SLC25A40: variants seen among roughly 807,000 people sequenced by gnomAD.
The protein encoded by SLC25A40 is solute carrier family 25 member 40, also known as mitochondrial glutathione transporter SLC25A40.
Under a neutral mutation model 46.5 loss-of-function variants are expected in SLC25A40, and 41 were observed. The ratio of observed to expected loss-of-function variants is 0.88; its 90% CI spans 0.69 to 1.14. SLC25A40 has a LOEUF of 1.14. Among genes scored for constraint, SLC25A40 ranks in the 50% most tolerant of loss-of-function variants. The probability of loss-of-function intolerance (pLI) is 0.00; values close to 1 mark genes in which losing one functional copy is unlikely to be tolerated. For missense variants in SLC25A40, 386 were observed against 393.6 expected (o/e 0.98, Z 0.16); for synonymous variants, 126 against 127.5 (o/e 0.99, Z 0.08).
intron 2 of SLC25A40, among the ~76,000 whole-genome samples, 194 bp from the exon 3 acceptor site, chr7:87,858,945 TA>T (rs1012325622): frequency 1.3e-5 from 2 of 151,942 alleles, no homozygotes; most frequent in Non-Finnish European, 2.9e-5. Context: ...TACACACTAC[TA>T]AAAAAACCTC....
chr7:87,870,305 T>G (rs927739643), intron 1 of SLC25A40, among the ~76,000 whole-genome samples: 8 of 152,076 alleles, frequency 5.3e-5, no homozygotes, highest in African/African-American at 1.7e-4. Context: ...AAGCTCAATT[T>G]GCCTATTTTT....
At position 87,847,974 on chromosome 7, in the gene SLC25A40, C is replaced by A; in HGVS notation, c.336G>T (p.Val112=). 6.2e-7 allele frequency: 1 copy of A among 1,605,778 alleles called. No homozygotes were observed. The highest frequency in any genetic ancestry group is 8.5e-7 in the Non-Finnish European group (1 of 1,177,326). The change falls in exon 7 of 12, where the codon GTG becomes GTT. Residue 112 remains valine (V), a synonymous_variant. Transcript: ENST00000341119. The part of the protein sequence containing the change: ...SLWSGLPPTL[V]MAVPATVIYF... ...AAATAACTGTGGCAGGAACTGCCATCACTCTGTTAGATCACACAAAAAGAT... is the reference window on the plus strand; with the variant it reads ...AAATAACTGTGGCAGGAACTGCCATAACTCTGTTAGATCACACAAAAAGAT...
At chr7:87,837,464 G>A (rs1055285032) in intron 10 of SLC25A40, among the ~76,000 whole-genome samples, 11 of 150,898 alleles carry the variant, frequency 7.3e-5, no homozygotes, top group African/African-American at 2.2e-4. Flanking sequence ...AAATAAATTA[G>A]ACCAGTGCTG....
chr7:87,875,393 C>T (rs1838978058), intron 1 of SLC25A40, among the ~76,000 whole-genome samples: 1 of 152,156 alleles, frequency 6.6e-6, no homozygotes, highest in Non-Finnish European at 1.5e-5. Context: ...CTTGTCTATT[C>T]TTTAAGGTAC....
At chr7:87,841,226 T>C (rs1381375886) in intron 10 of SLC25A40, among the ~76,000 whole-genome samples, 1 of 150,726 alleles carries the variant, frequency 6.6e-6, no homozygotes, top group Non-Finnish European at 1.5e-5. Context: ...AGTAATTTCC[T>C]ATCCTTTATC....
intron 1 of SLC25A40, among the ~76,000 whole-genome samples, chr7:87,872,161 C>T (rs1265548545): frequency 1.3e-5 from 2 of 152,170 alleles, no homozygotes; most frequent in Non-Finnish European, 2.9e-5. Context: ...AATCTTCTTA[C>T]ATAATCTTCT....
chr7:87,836,389 C>T lies in SLC25A40; in HGVS notation c.905-28G>A, dbSNP rs779693303. The T allele has an allele frequency of 2.9e-6, 4 of 1,356,902 alleles. No individual in the cohort carries two copies. The African/African-American group carries it at 6.2e-5, about 21-fold the overall frequency. The allele number at this position is 1,356,902 out of a possible 1,614,324, so 84.1% of individuals were successfully genotyped here. ...GAGAAAAGAATAGGAATAATCAAAACAAATATTTTTTTCTTACCTTATTTT... is the reference window on the plus strand; with the variant it reads ...GAGAAAAGAATAGGAATAATCAAAATAAATATTTTTTTCTTACCTTATTTT... On this transcript the variant is annotated intron_variant, in intron 11 of 11. Coordinates refer to ENST00000341119, the MANE Select transcript of SLC25A40 (RefSeq NM_018843.4).
intron 8 of SLC25A40, 127 bp from the exon 9 acceptor site, chr7:87,843,990 T>TA (rs1401616316): frequency 2.2e-6 from 3 of 1,339,940 alleles, no homozygotes; most frequent in African/African-American, 3.0e-5. Context: ...GCTTTCTACT[T>TA]AGACACCCAC....
At chr7:87,857,469 T>C (rs533765681) in intron 3 of SLC25A40, among the ~76,000 whole-genome samples, 2 of 152,338 alleles carry the variant, frequency 1.3e-5, no homozygotes, top group East Asian at 3.9e-4. Flanking sequence ...AGGGTTGTTT[T>C]CATATAATAA....
chr7:87,843,674 T>C, intron 9 of SLC25A40, 80 bp downstream of exon 9: 1 of 1,037,934 alleles, frequency 9.6e-7, no homozygotes, highest in Non-Finnish European at 1.4e-6. Context: ...GATCTCAATA[T>C]ACATGAGATG....
At chr7:87,841,892 C>CGTAGGA in intron 9 of SLC25A40, 178 bp from the exon 10 acceptor site, 1 of 342,670 alleles carries the variant, frequency 2.9e-6, no homozygotes, top group Non-Finnish European at 5.2e-6. Flanking sequence ...GTATTTCTCA[C>CGTAGGA]TATACTCAAA....
Position 87,835,623 on chromosome 7 carries a change from A to G in SLC25A40, c.*626T>C, listed in dbSNP as rs968508135. 6.6e-6 allele frequency: 1 copy of G among 151,544 alleles called. No individual in the cohort carries two copies. Among genetic ancestry groups the G allele is most frequent in the East Asian group, 1.9e-4 (1 of 5,194 alleles). 9.4% of individuals were successfully genotyped at this position (151,544 alleles called of 1,614,324 possible). A position where few individuals can be genotyped will look rare whatever the true frequency, so the allele number is the denominator to read the frequency against. ...TGGCACAATGTACATCACACAAATG[A>G]TTATATTATGGTTCATAAGGAAAAC... On this transcript the variant is annotated 3_prime_UTR_variant, in exon 12 of 12. Transcript: ENST00000341119.
intron 3 of SLC25A40, among the ~76,000 whole-genome samples, chr7:87,857,031 C>T (rs547197486): frequency 1.3e-5 from 2 of 152,158 alleles, no homozygotes; most frequent in East Asian, 3.9e-4. Context: ...TTTATTTGTT[C>T]TAATCATTTG....
chr7:87,865,899 T>C (rs916687221), intron 1 of SLC25A40, among the ~76,000 whole-genome samples: 3 of 151,882 alleles, frequency 2.0e-5, no homozygotes, highest in African/African-American at 7.3e-5. Flanking sequence ...ATGGGCAACA[T>C]GGTGAAACCC....
intron 6 of SLC25A40, among the ~76,000 whole-genome samples, chr7:87,849,517 G>A (rs1838474912): frequency 6.6e-6 from 1 of 152,176 alleles, no homozygotes; most frequent in Non-Finnish European, 1.5e-5. Context: ...GTTTCCCAAG[G>A]CAGAAGCACT....
Position 87,847,020 on chromosome 7 carries a change from A to G in SLC25A40, c.560T>C (p.Val187Ala). The change falls in exon 8 of 12, where the codon GTA becomes GCA. Residue 187 changes from valine to alanine, a missense_variant. Coordinates refer to ENST00000341119, the MANE Select transcript of SLC25A40 (RefSeq NM_018843.4). Reference protein sequence around the residue: ...VELHRFVSKKVSEDGWISLWR... With the variant: ...VELHRFVSKKASEDGWISLWR... The stretch of plus-strand genomic sequence containing the variant: ...AAGGGAAATCCAACCATCTTCAGAT[A>G]CTTTCTTGCTGACAAATCGATGCAG... 1 of 1,613,896 alleles carries G rather than the reference A, an allele frequency of 6.2e-7. No individual in the cohort carries two copies. Among genetic ancestry groups the G allele is most frequent in the Non-Finnish European group, 8.5e-7 (1 of 1,179,852 alleles).
chr7:87,865,222 TA>T (rs1188867191), intron 1 of SLC25A40, among the ~76,000 whole-genome samples: 1 of 152,052 alleles, frequency 6.6e-6, no homozygotes, highest in African/African-American at 2.4e-5. Context: ...AATCATCTTG[TA>T]AATACAACAA....
intron 2 of SLC25A40, 37 bp downstream of exon 2, chr7:87,860,535 A>T (rs960866413): frequency 3.3e-5 from 5 of 152,136 alleles, no homozygotes; most frequent in Non-Finnish European, 7.4e-5. Flanking sequence ...ATAAATAGTA[A>T]TTTTATTGAT....
At chr7:87,853,497 G>A (rs1029461903) in intron 5 of SLC25A40, among the ~76,000 whole-genome samples, 2 of 152,148 alleles carry the variant, frequency 1.3e-5, no homozygotes, top group African/African-American at 4.8e-5. Flanking sequence ...CAGAGTAAGT[G>A]AATGTTTGTA....
Sources: gnomAD v4.1 joint callset for allele counts (sites outside exome capture counted in the v4.1 genomes callset) on GRCh38, gnomAD v4.1.1 for gene constraint, MANE v1.5 for transcripts, NCBI Gene and HGNC (gene_info 2026-07-23, HGNC 2026-07-21) for gene names.